PCDHA4: variants seen among roughly 807,000 people sequenced by gnomAD.
The protein encoded by PCDHA4 is protocadherin alpha 4, also known as protocadherin alpha-4.
In PCDHA4, 49 loss-of-function variants were observed where a neutral mutation model predicts 61.4. That is an observed-to-expected ratio of 0.80 (90% CI 0.63 to 1.01). The LOEUF is 1.01. PCDHA4 is among the 50% of genes least tolerant of loss of function. The pLI, the probability that PCDHA4 is intolerant of heterozygous loss-of-function variation, is 0.00. For synonymous variants in PCDHA4, 590 were observed against 550.3 expected (o/e 1.07, Z -1.01); for missense variants, 1,254 against 1,235.8 (o/e 1.01, Z -0.22).
At chr5:140,926,973 G>A in intron 1 of PCDHA4, 3 of 1,609,762 alleles carry the variant, frequency 1.9e-6, no homozygotes, top group African/African-American at 1.3e-5. Context: ...ACTCAGTGCC[G>A]GAGGAGACGG....
chr5:140,883,075 T>A (rs969917261), intron 1 of PCDHA4: 8 of 1,614,134 alleles, frequency 5.0e-6, no homozygotes, highest in Non-Finnish European at 6.8e-6. Flanking sequence ...CCACAGATCC[T>A]GATGATGGTA....
intron 1 of PCDHA4, chr5:140,884,458 C>A: frequency 6.2e-7 from 1 of 1,613,736 alleles, no homozygotes; most frequent in Non-Finnish European, 8.5e-7. Flanking sequence ...CCACCGAGGG[C>A]GCGTGCGCGC....
At chr5:140,884,115 T>C (rs782303871) in intron 1 of PCDHA4, 2 of 1,613,170 alleles carry the variant, frequency 1.2e-6, no homozygotes, top group African/African-American at 2.7e-5. Context: ...CTGGCGGCGG[T>C]CGGCGCGCGC....
chr5:140,976,267 T>C (rs115616483), intron 1 of PCDHA4, among the ~76,000 whole-genome samples: 1,952 of 152,234 alleles, frequency 0.013, 51 homozygotes, highest in African/African-American at 0.045. Flanking sequence ...ACACAGACTT[T>C]TGGCAAGGCA....
At chr5:140,829,270 C>G (rs2150165007) in intron 1 of PCDHA4, 4 of 1,614,142 alleles carry the variant, frequency 2.5e-6, no homozygotes, top group African/African-American at 1.3e-5. Flanking sequence ...CGCCTCACGT[C>G]CCTTTCAAGC....
At chr5:140,907,970 A>C (rs1312755290) in intron 1 of PCDHA4, among the ~76,000 whole-genome samples, 3 of 152,158 alleles carry the variant, frequency 2.0e-5, no homozygotes, top group Admixed American at 2.0e-4. Flanking sequence ...CAATTTTCCA[A>C]TCATGCTTCT....
At chr5:140,906,753 T>G (rs2072907402) in intron 1 of PCDHA4, among the ~76,000 whole-genome samples, 1 of 152,224 alleles carries the variant, frequency 6.6e-6, no homozygotes, top group Non-Finnish European at 1.5e-5. Context: ...CAGGGCATGG[T>G]AATACTAAGA....
chr5:140,848,884 C>T, intron 1 of PCDHA4: 2 of 1,591,388 alleles, frequency 1.3e-6, no homozygotes, highest in South Asian at 1.1e-5. Flanking sequence ...AACGACAACC[C>T]TCCAGTGTTC....
intron 1 of PCDHA4, chr5:140,847,350 T>A (rs1554141746): frequency 6.7e-6 from 1 of 149,796 alleles, no homozygotes; most frequent in Non-Finnish European, 1.5e-5. Context: ...TAGGCTGTTA[T>A]CAGTAGAAAT....
rs2150452884 is a variant in PCDHA4, at chr5:140,849,840, A to G, written c.2385+40268A>G. 1.9e-6 allele frequency: 3 copies of G among 1,598,334 alleles called. No individual in the cohort carries two copies. The Admixed American group carries it at 5.1e-5, about 27-fold the overall frequency. On this transcript the variant is annotated intron_variant, in intron 1 of 3. Coordinates refer to ENST00000530339, the MANE Select transcript of PCDHA4 (RefSeq NM_018907.4). ...GGTGTCTGTGGAGGTGGCCGACGTG[A>G]ACGACAACGCACCAGCGTTCGCGCA...
chr5:140,876,481 C>G, intron 1 of PCDHA4: 1 of 1,613,996 alleles, frequency 6.2e-7, no homozygotes, highest in Non-Finnish European at 8.5e-7. Context: ...CAGCATGGTC[C>G]TGGTGGAAGT....
At chr5:140,852,188 C>A in intron 1 of PCDHA4, 1 of 732,160 alleles carries the variant, frequency 1.4e-6, no homozygotes, top group Non-Finnish European at 1.7e-6. Flanking sequence ...TATGAAAATG[C>A]CAGTAACGTT....
intron 1 of PCDHA4, chr5:140,830,375 G>C: frequency 6.2e-7 from 1 of 1,614,172 alleles, no homozygotes; most frequent in Non-Finnish European, 8.5e-7. Context: ...GTGCTCCGGG[G>C]AGGGCCCACC....
intron 1 of PCDHA4, chr5:140,823,902 G>T (rs915355375): frequency 3.7e-6 from 6 of 1,614,050 alleles, no homozygotes; most frequent in Non-Finnish European, 5.1e-6. Context: ...TGTCCAGCCT[G>T]CTGGTGCTCA....
intron 1 of PCDHA4, chr5:140,869,517 A>G: frequency 6.2e-7 from 1 of 1,614,200 alleles, no homozygotes; most frequent in Non-Finnish European, 8.5e-7. Flanking sequence ...TCAGAGAACA[A>G]AAGCTGCTGA....
intron 1 of PCDHA4, chr5:140,856,935 A>C: frequency 6.3e-7 from 1 of 1,594,236 alleles, no homozygotes; most frequent in South Asian, 1.1e-5. Flanking sequence ...TGGATAAACG[A>C]AAGGACGGGA....
chr5:140,939,673 T>C (rs1235567287), intron 1 of PCDHA4, among the ~76,000 whole-genome samples: 1 of 152,196 alleles, frequency 6.6e-6, no homozygotes, highest in African/African-American at 2.4e-5. Context: ...CCAACTTGTA[T>C]GTATGTGTGT....
chr5:140,987,882 T>G (rs942974119), intron 3 of PCDHA4, among the ~76,000 whole-genome samples: 2 of 152,158 alleles, frequency 1.3e-5, no homozygotes, highest in Non-Finnish European at 2.9e-5. Flanking sequence ...ATGGACAGTT[T>G]ATGTGCCCTA....
chr5:140,920,511 A>G (rs564811520), intron 1 of PCDHA4, among the ~76,000 whole-genome samples: 1 of 152,284 alleles, frequency 6.6e-6, no homozygotes, highest in East Asian at 1.9e-4. Flanking sequence ...ATACTGTTTT[A>G]TGCAATTCGT....
Sources: gnomAD v4.1 joint callset for allele counts (sites outside exome capture counted in the v4.1 genomes callset) on GRCh38, gnomAD v4.1.1 for gene constraint, MANE v1.5 for transcripts, NCBI Gene and HGNC (gene_info 2026-07-23, HGNC 2026-07-21) for gene names.